The following CSMD1 variants were observed in gnomAD, a reference collection of about 807,000 sequenced individuals.
The protein encoded by CSMD1 is CUB and Sushi multiple domains 1.
In CSMD1, 213 loss-of-function variants were observed where a neutral mutation model predicts 417.5. That is an observed-to-expected ratio of 0.51 (90% CI 0.46 to 0.57). The LOEUF (loss-of-function observed/expected upper bound fraction) is 0.57. Among genes scored for constraint, CSMD1 ranks in the 20% least tolerant of loss-of-function variants. The pLI, the probability that CSMD1 is intolerant of heterozygous loss-of-function variation, is 0.00. For synonymous variants in CSMD1, 2,862 were observed against 1,736.8 expected (o/e 1.65, Z -16.11); for missense variants, 6,923 against 4,529.7 (o/e 1.53, Z -15.17).
At chr8:4,173,976 T>G (rs915427884) in intron 3 of CSMD1, among the ~76,000 whole-genome samples, 7 of 152,274 alleles carry the variant, frequency 4.6e-5, no homozygotes, top group African/African-American at 1.7e-4. Context: ...TTCTCCTGAC[T>G]GGAAGCAAAG....
At chr8:4,645,999 G>C (rs1336741630) in intron 1 of CSMD1, among the ~76,000 whole-genome samples, 1 of 152,148 alleles carries the variant, frequency 6.6e-6, no homozygotes, top group African/African-American at 2.4e-5. Flanking sequence ...AACAAGCACT[G>C]TTTTATTCAC....
chr8:3,651,525 T>C (rs1366654119), intron 7 of CSMD1, among the ~76,000 whole-genome samples: 2 of 152,128 alleles, frequency 1.3e-5, no homozygotes, highest in Non-Finnish European at 2.9e-5. Context: ...TTTCTCCAGG[T>C]GTCTCCTCCA....
At chr8:4,928,832 G>A (rs543599836) in intron 1 of CSMD1, among the ~76,000 whole-genome samples, 78 of 152,274 alleles carry the variant, frequency 5.1e-4, no homozygotes, top group Middle Eastern at 6.8e-3. Flanking sequence ...GACTTTGGGA[G>A]GCTGAGGTGA....
chr8:4,167,160 T>C (rs1043045479), intron 3 of CSMD1, among the ~76,000 whole-genome samples: 6 of 152,198 alleles, frequency 3.9e-5, no homozygotes, highest in African/African-American at 7.2e-5. Context: ...TTCTACCTAC[T>C]TCTGAAGTAG....
chr8:3,652,671 A>G (rs1332346243), intron 7 of CSMD1, among the ~76,000 whole-genome samples: 1 of 152,168 alleles, frequency 6.6e-6, no homozygotes, highest in Non-Finnish European at 1.5e-5. Context: ...TCACTACCAT[A>G]GGAACAGTAT....
chr8:3,255,669 T>C (rs113496268), intron 26 of CSMD1, among the ~76,000 whole-genome samples: 1 of 152,246 alleles, frequency 6.6e-6, no homozygotes, highest in Admixed American at 6.5e-5. Context: ...CTCTGAGCCA[T>C]GCACGGGATA....
chr8:3,790,013 A>G lies in CSMD1; in HGVS notation c.819-35971T>C, dbSNP rs112626937. Among the ~76,000 whole-genome samples, 1,417 of 152,248 alleles carry G rather than the reference A, an allele frequency of 9.3e-3. 28 individuals carry two copies. The highest frequency in any genetic ancestry group is 0.032 in the African/African-American group (1,317 of 41,556). ...CCCAAAGTGCTGGGATTACAGGCGTAAGCCACCATGCCCGGCCGATCATGG... is the reference window on the plus strand; with the variant it reads ...CCCAAAGTGCTGGGATTACAGGCGTGAGCCACCATGCCCGGCCGATCATGG... On this transcript the variant is annotated intron_variant, in intron 5 of 69. Transcript: ENST00000635120.
At chr8:4,960,649 A>G (rs1809414348) in intron 1 of CSMD1, among the ~76,000 whole-genome samples, 1 of 152,166 alleles carries the variant, frequency 6.6e-6, no homozygotes, top group South Asian at 2.1e-4. Context: ...ATATCCATAC[A>G]TATGTACATC....
At chr8:4,867,737 T>A (rs1450512790) in intron 1 of CSMD1, among the ~76,000 whole-genome samples, 1 of 152,146 alleles carries the variant, frequency 6.6e-6, no homozygotes, top group Non-Finnish European at 1.5e-5. Flanking sequence ...GCCGTATTAG[T>A]ATTCAATGCA....
intron 3 of CSMD1, among the ~76,000 whole-genome samples, chr8:4,355,365 C>A (rs533271973): frequency 6.6e-6 from 1 of 151,936 alleles, no homozygotes; most frequent in East Asian, 1.9e-4. Flanking sequence ...TACACACACA[C>A]AAAACTCTAC....
At chr8:3,308,185 C>T in intron 24 of CSMD1, 127 bp downstream of exon 24, 2 of 721,912 alleles carry the variant, frequency 2.8e-6, no homozygotes, top group South Asian at 2.1e-5. Context: ...TCTCAGAATA[C>T]ATAAAACTCA....
chr8:3,296,245 G>T (rs552090790), intron 25 of CSMD1, among the ~76,000 whole-genome samples: 1 of 151,748 alleles, frequency 6.6e-6, no homozygotes, highest in African/African-American at 2.4e-5. Flanking sequence ...AGGAGTTAAG[G>T]GTGTTTGTCG....
At chr8:4,445,251 T>A (rs999283485) in intron 2 of CSMD1, among the ~76,000 whole-genome samples, 1 of 152,196 alleles carries the variant, frequency 6.6e-6, no homozygotes, top group Non-Finnish European at 1.5e-5. Flanking sequence ...CTTGTTCTCT[T>A]TCTAGCCATA....
In CSMD1 at chr8:4,265,125, T is replaced by C. The variant is rs532643863; in HGVS notation, c.415+154828A>G. 7.2e-5 allele frequency among the ~76,000 whole-genome samples: 11 copies of C among 152,268 alleles called. No homozygotes were observed. The East Asian group carries it at 2.1e-3, about 29-fold the overall frequency. Reference sequence around the variant, plus strand: ...TTCAAATTAAGTTGAAAAACTGTCCTCTAACTTAATTTGACCTCGACTATT... The same window carrying C: ...TTCAAATTAAGTTGAAAAACTGTCCCCTAACTTAATTTGACCTCGACTATT... On this transcript the variant is annotated intron_variant, in intron 3 of 69. Coordinates refer to ENST00000635120, the MANE Select transcript of CSMD1 (RefSeq NM_033225.6).
chr8:3,251,034 G>A (rs1318125122), intron 26 of CSMD1, among the ~76,000 whole-genome samples: 3 of 152,152 alleles, frequency 2.0e-5, no homozygotes, highest in African/African-American at 4.8e-5. Context: ...TCTGATGGTA[G>A]TTTCTTTTGC....
chr8:3,524,895 G>A (rs1020905196), intron 10 of CSMD1, among the ~76,000 whole-genome samples: 1 of 140,430 alleles, frequency 7.1e-6, no homozygotes, highest in East Asian at 2.1e-4. Flanking sequence ...TTTTGGTGGA[G>A]TTAAAAATAG....
intron 4 of CSMD1, among the ~76,000 whole-genome samples, chr8:4,015,087 A>G (rs111288445): frequency 0.017 from 2,571 of 152,314 alleles, 84 homozygotes; most frequent in African/African-American, 0.059. Flanking sequence ...TGTTTATTGC[A>G]AAGTATGCAA....
At chr8:3,124,231 T>A (rs567761986) in intron 41 of CSMD1, among the ~76,000 whole-genome samples, 40 of 152,282 alleles carry the variant, frequency 2.6e-4, no homozygotes, top group South Asian at 1.2e-3. Context: ...ATTTATTGAC[T>A]CTACTCTGTT....
chr8:3,216,736 G>A (rs149489939), intron 29 of CSMD1, among the ~76,000 whole-genome samples: 8 of 152,288 alleles, frequency 5.3e-5, no homozygotes, highest in East Asian at 3.9e-4. Flanking sequence ...GTCCGTGTCC[G>A]TTCCACTTAT....
Sources: gnomAD v4.1 joint callset for allele counts (sites outside exome capture counted in the v4.1 genomes callset) on GRCh38, gnomAD v4.1.1 for gene constraint, MANE v1.5 for transcripts, NCBI Gene and HGNC (gene_info 2026-07-23, HGNC 2026-07-21) for gene names.